The following IPPK variants were observed in gnomAD, a reference collection of about 807,000 sequenced individuals.
IPPK encodes the protein inositol-pentakisphosphate 2-kinase.
IPPK carries 22 observed loss-of-function variants against 64.6 expected under a neutral mutation model. The ratio of observed to expected loss-of-function variants is 0.34; its 90% confidence interval spans 0.24 to 0.49. The LOEUF is 0.49. IPPK is among the 20% of genes least tolerant of loss of function. The pLI is 0.99. For synonymous variants in IPPK, 262 were observed against 247.2 expected (o/e 1.06, Z -0.56); for missense variants, 532 against 630.7 (o/e 0.84, Z 1.68).
In IPPK at chr9:92,659,258, G is replaced by A. The variant is rs370581985; in HGVS notation, c.82-577C>T. ...GCATGCATGAATAGTTGCTAAGGAA[G>A]GTTCTAGAAGGGACTGGTCAGAGGA... On this transcript the variant is annotated intron_variant, in intron 1 of 12. Coordinates refer to ENST00000287996, the MANE Select transcript of IPPK (RefSeq NM_022755.6). 5.9e-5 allele frequency among the ~76,000 whole-genome samples: 9 copies of A among 152,138 alleles called. No homozygotes were observed. The East Asian group carries it at 7.7e-4, about 13-fold the overall frequency.
chr9:92,658,530 T>C (rs1852418669), intron 2 of IPPK, 104 bp downstream of exon 2: 1 of 980,054 alleles, frequency 1.0e-6, no homozygotes, highest in African/African-American at 1.6e-5. Flanking sequence ...GCTTGTATCA[T>C]CTTTGAATGC....
chr9:92,637,075 C>CT (rs1851956356), intron 9 of IPPK, among the ~76,000 whole-genome samples: 1 of 152,126 alleles, frequency 6.6e-6, no homozygotes, highest in African/African-American at 2.4e-5. Context: ...AATCCTAGCA[C>CT]TTTGAGAGTC....
chr9:92,616,816 C>G (rs1444603149), intron 12 of IPPK: 1 of 152,280 alleles, frequency 6.6e-6, no homozygotes, highest in Non-Finnish European at 1.5e-5. Flanking sequence ...CAGCGCACAG[C>G]ACTCAAGACA....
intron 12 of IPPK, 90 bp downstream of exon 12, chr9:92,619,396 T>C (rs1564026327): frequency 1.9e-6 from 2 of 1,054,160 alleles, no homozygotes; most frequent in South Asian, 2.7e-5. Context: ...TCTCTAAATA[T>C]GGGGAAACCA....
At chr9:92,618,977 G>A (rs1851536088) in intron 12 of IPPK, 2 of 269,322 alleles carry the variant, frequency 7.4e-6, no homozygotes, top group South Asian at 8.6e-5. Flanking sequence ...AGAGGGGACT[G>A]GACAAAACTA....
intron 11 of IPPK, among the ~76,000 whole-genome samples, chr9:92,631,211 T>C (rs1310171304): frequency 2.0e-5 from 3 of 151,344 alleles, no homozygotes; most frequent in Non-Finnish European, 1.5e-5. Flanking sequence ...TTTTTTTTTT[T>C]TTGAGATGGA....
intron 5 of IPPK, 28 bp downstream of exon 5, chr9:92,649,425 C>G: frequency 1.2e-6 from 2 of 1,613,548 alleles, no homozygotes; most frequent in South Asian, 2.2e-5. Flanking sequence ...TCCCCTTTAC[C>G]CACACCATCT....
chr9:92,643,360 A>C (rs1387524181), intron 6 of IPPK, among the ~76,000 whole-genome samples: 2 of 152,238 alleles, frequency 1.3e-5, no homozygotes, highest in East Asian at 3.8e-4. Flanking sequence ...CCTTACTGCT[A>C]ATAGCAAACC....
At chr9:92,664,112 G>C (rs530589592) in intron 1 of IPPK, among the ~76,000 whole-genome samples, 1 of 152,350 alleles carries the variant, frequency 6.6e-6, no homozygotes, top group African/African-American at 2.4e-5. Flanking sequence ...GCTGCCCGGG[G>C]TCTGTCAGTC....
intron 3 of IPPK, among the ~76,000 whole-genome samples, chr9:92,653,955 C>G (rs1240996669): frequency 6.6e-6 from 1 of 152,274 alleles, no homozygotes; most frequent in African/African-American, 2.4e-5. Flanking sequence ...CATGCCGACT[C>G]TGGATGCCTC....
At chr9:92,637,623 C>T (rs970869339) in intron 9 of IPPK, among the ~76,000 whole-genome samples, 1 of 152,210 alleles carries the variant, frequency 6.6e-6, no homozygotes, top group African/African-American at 2.4e-5. Context: ...ATTTCTGTGC[C>T]TCAATTCTCT....
intron 12 of IPPK, chr9:92,618,892 A>G (rs1851532709): frequency 3.1e-6 from 1 of 322,082 alleles, no homozygotes; most frequent in South Asian, 2.7e-5. Flanking sequence ...AGGGTTTAGC[A>G]CCCCTGAAGA....
chr9:92,615,712 C>T lies in IPPK; in HGVS notation c.*120G>A. 2.7e-6 allele frequency: 2 copies of T among 745,358 alleles called. No individual in the cohort carries two copies. The allele number at this position is 745,358 out of a possible 1,614,324, so 46.2% of individuals were successfully genotyped here. A position where few individuals can be genotyped will look rare whatever the true frequency, so the allele number is the denominator to read the frequency against. On this transcript the variant is annotated 3_prime_UTR_variant, in exon 13 of 13. Coordinates refer to ENST00000287996, the MANE Select transcript of IPPK (RefSeq NM_022755.6). Reference sequence around the variant, plus strand: ...CCATGTCTCCAAGAGGCAATCCCACCTCAAAAGGGGTTAAAAGCAAAAACA... The same window carrying T: ...CCATGTCTCCAAGAGGCAATCCCACTTCAAAAGGGGTTAAAAGCAAAAACA...
At chr9:92,618,274 G>A (rs1450031372) in intron 12 of IPPK, 3 of 456,578 alleles carry the variant, frequency 6.6e-6, no homozygotes, top group Non-Finnish European at 1.3e-5. Context: ...GAAGCCACAT[G>A]GCTCAGTGCC....
intron 11 of IPPK, among the ~76,000 whole-genome samples, chr9:92,627,452 A>G (rs908025564): frequency 3.9e-5 from 6 of 152,234 alleles, no homozygotes; most frequent in Admixed American, 3.9e-4. Context: ...AGAATCCTCA[A>G]TAAAATAATC....
chr9:92,616,426 G>C (rs1411130118), intron 12 of IPPK: 1 of 174,110 alleles, frequency 5.7e-6, no homozygotes, highest in African/African-American at 2.4e-5. Flanking sequence ...CAGCCCAGTG[G>C]TATAAACGAA....
At chr9:92,643,937 C>G (rs1852100153) in intron 6 of IPPK, among the ~76,000 whole-genome samples, 1 of 152,160 alleles carries the variant, frequency 6.6e-6, no homozygotes, top group South Asian at 2.1e-4. Flanking sequence ...CATATGTTAC[C>G]AGTTATATGA....
chr9:92,648,821 C>T (rs1852199769), intron 5 of IPPK, among the ~76,000 whole-genome samples: 1 of 152,168 alleles, frequency 6.6e-6, no homozygotes, highest in Non-Finnish European at 1.5e-5. Flanking sequence ...TGACAGCCAC[C>T]CCCGACATGG....
chr9:92,669,474 G>A (rs2131470012), intron 1 of IPPK, among the ~76,000 whole-genome samples: 1 of 152,338 alleles, frequency 6.6e-6, no homozygotes, highest in Non-Finnish European at 1.5e-5. Flanking sequence ...TGGGCACTCT[G>A]CTTCTTCCTC....
Sources: allele counts gnomAD v4.1 joint callset (sites outside exome capture counted in the v4.1 genomes callset), GRCh38; gene constraint gnomAD v4.1.1; transcripts MANE v1.5; gene names NCBI Gene and HGNC (gene_info 2026-07-23, HGNC 2026-07-21).